The following ASCC3 variants were observed in gnomAD, a reference collection of about 807,000 sequenced individuals.
The protein encoded by ASCC3 is activating signal cointegrator 1 complex subunit 3, also known as ASC-1 complex subunit P200.
A neutral mutation model predicts 256.3 loss-of-function variants in ASCC3; 158 were observed. The observed-to-expected ratio is 0.62, with a 90% confidence interval of 0.54 to 0.70. The LOEUF is 0.70. Among genes scored for constraint, ASCC3 ranks in the 30% least tolerant of loss-of-function variants. ASCC3 has a pLI of 0.00. For missense variants in ASCC3, 2,259 were observed against 2,626.0 expected, an observed-to-expected ratio of 0.86 and a Z score of 3.05; for synonymous variants, 948 against 883.4, an observed-to-expected ratio of 1.07 and a Z score of -1.30.
chr6:100,862,389 G>T (rs2114541367), intron 3 of ASCC3, among the ~76,000 whole-genome samples: 1 of 152,076 alleles, frequency 6.6e-6, no homozygotes, highest in East Asian at 1.9e-4. Flanking sequence ...ATATCATACT[G>T]GGTTACAGAC....
rs552849567 is a variant in ASCC3 at position 100,715,710 on chromosome 6, G to A, written c.2080-177C>T. Among the ~76,000 whole-genome samples, 6 of 151,358 alleles carry A rather than the reference G, an allele frequency of 4.0e-5. No homozygotes were observed. In the East Asian group the frequency reaches 5.8e-4, roughly 15 times the overall value. On this transcript the variant is annotated intron_variant, in intron 12 of 41. Coordinates refer to ENST00000369162, the MANE Select transcript of ASCC3 (RefSeq NM_006828.4). Reference sequence around the variant, plus strand: ...AACAATCCATTAAAAAATATGCAACGCAACTTAAAAGTACAAATAGAGTAA... The same window carrying A: ...AACAATCCATTAAAAAATATGCAACACAACTTAAAAGTACAAATAGAGTAA...
chr6:100,587,973 G>T (rs930860688), intron 36 of ASCC3, among the ~76,000 whole-genome samples: 2 of 152,074 alleles, frequency 1.3e-5, no homozygotes, highest in Non-Finnish European at 2.9e-5. Flanking sequence ...TTTACAGCAT[G>T]TATCTAGTTT....
intron 11 of ASCC3, among the ~76,000 whole-genome samples, chr6:100,722,390 G>A (rs1222817013): frequency 2.0e-5 from 3 of 151,262 alleles, no homozygotes; most frequent in Non-Finnish European, 4.4e-5. Flanking sequence ...CCAAACTTCA[G>A]CATCATGCAA....
chr6:100,648,865 A>G (rs1330686731), intron 20 of ASCC3, among the ~76,000 whole-genome samples: 3 of 151,920 alleles, frequency 2.0e-5, no homozygotes, highest in Admixed American at 6.6e-5. Context: ...TTAATCTAGA[A>G]TGATATAAAT....
At chr6:100,516,658 G>A (rs189775862) in intron 38 of ASCC3, among the ~76,000 whole-genome samples, 46 of 152,210 alleles carry the variant, frequency 3.0e-4, no homozygotes, top group Non-Finnish European at 5.4e-4. Context: ...CCTGACATGT[G>A]CTTAATGAGT....
intron 37 of ASCC3, among the ~76,000 whole-genome samples, chr6:100,521,066 T>A (rs1248983176): frequency 6.6e-6 from 1 of 152,154 alleles, no homozygotes; most frequent in Non-Finnish European, 1.5e-5. Flanking sequence ...TAGGTAAAAA[T>A]CTAATTACAG....
chr6:100,724,160 C>A (rs200887954), intron 11 of ASCC3, among the ~76,000 whole-genome samples: 8,503 of 120,536 alleles, frequency 0.071, 314 homozygotes, highest in East Asian at 0.17. Flanking sequence ...AAAAAAAAAA[C>A]AAAAAAAAAC....
chr6:100,526,924 A>T (rs1326521249), intron 37 of ASCC3, among the ~76,000 whole-genome samples: 2 of 152,322 alleles, frequency 1.3e-5, no homozygotes, highest in East Asian at 3.9e-4. Context: ...TAAGTAAACT[A>T]CATTTGTTTG....
intron 10 of ASCC3, among the ~76,000 whole-genome samples, chr6:100,748,601 G>C (rs1780792856): frequency 6.6e-6 from 1 of 151,970 alleles, no homozygotes; most frequent in African/African-American, 2.4e-5. Flanking sequence ...CTCAGACACA[G>C]TTGAATCACC....
rs753220760 is a variant in ASCC3 at position 100,518,160 on chromosome 6, A to T, written c.5776-18T>A. The stretch of plus-strand genomic sequence containing the variant: ...AGCATTGCCTGAACAGGGAAAATGC[A>T]CATGTTACAAGAATTATATCATGGT... On this transcript the variant is annotated intron_variant, in intron 37 of 41. Coordinates refer to ENST00000369162, the MANE Select transcript of ASCC3 (RefSeq NM_006828.4). The T allele has an allele frequency of 6.4e-5, 103 of 1,613,026 alleles. No homozygotes were observed. Among genetic ancestry groups the T allele is most frequent in the Middle Eastern group, 1.6e-4 (1 of 6,074 alleles).
At chr6:100,696,347 A>G (rs1423484139) in intron 13 of ASCC3, among the ~76,000 whole-genome samples, 1 of 152,150 alleles carries the variant, frequency 6.6e-6, no homozygotes. Flanking sequence ...TCACATTGAG[A>G]AAATACATGG....
At chr6:100,526,708 C>A (rs1774594493) in intron 37 of ASCC3, among the ~76,000 whole-genome samples, 1 of 152,116 alleles carries the variant, frequency 6.6e-6, no homozygotes, top group Non-Finnish European at 1.5e-5. Context: ...GGATTCTGCA[C>A]CACTGTGTGG....
intron 36 of ASCC3, among the ~76,000 whole-genome samples, chr6:100,548,771 A>C (rs1305167787): frequency 6.6e-6 from 1 of 151,886 alleles, no homozygotes; most frequent in Non-Finnish European, 1.5e-5. Flanking sequence ...TGAAAAGAGA[A>C]GTGAGGAGTG....
intron 4 of ASCC3, among the ~76,000 whole-genome samples, chr6:100,838,905 C>A (rs1772007311): frequency 6.6e-6 from 1 of 151,952 alleles, no homozygotes; most frequent in African/African-American, 2.4e-5. Context: ...TGTATTAAAT[C>A]TTAAATATTT....
intron 8 of ASCC3, among the ~76,000 whole-genome samples, chr6:100,777,291 TG>T (rs1478984377): frequency 2.0e-5 from 3 of 152,152 alleles, no homozygotes; most frequent in Non-Finnish European, 4.4e-5. Flanking sequence ...TAGATGACTT[TG>T]GGCTTTCCTA....
chr6:100,688,411 T>A (rs760412334), intron 13 of ASCC3, among the ~76,000 whole-genome samples: 5 of 152,192 alleles, frequency 3.3e-5, no homozygotes, highest in Non-Finnish European at 2.9e-5. Context: ...ATTTAAACAT[T>A]TTAAAATATA....
intron 36 of ASCC3, among the ~76,000 whole-genome samples, chr6:100,578,425 C>T (rs1351743354): frequency 6.6e-6 from 1 of 152,006 alleles, no homozygotes; most frequent in Non-Finnish European, 1.5e-5. Context: ...TCCCAGCCTA[C>T]ACATTCAAGT....
chr6:100,646,483 A>G lies in ASCC3; in HGVS notation c.3633+132T>C, dbSNP rs937476306. ...CCACCACCATGCCCGGCTAATTGCT[A>G]TAATTTTTAAAATAAATCCTCAATA... On this transcript the variant is annotated intron_variant, in intron 22 of 41. Coordinates refer to ENST00000369162, the MANE Select transcript of ASCC3 (RefSeq NM_006828.4). 4 of 998,088 alleles carry G rather than the reference A, an allele frequency of 4.0e-6. No homozygotes were observed. In the African/African-American group the frequency reaches 5.4e-5, roughly 14 times the overall value. 61.8% of individuals were successfully genotyped at this position (998,088 alleles called of 1,614,324 possible). A position where few individuals can be genotyped will look rare whatever the true frequency, so the allele number is the denominator to read the frequency against.
chr6:100,554,218 C>A (rs1769448439), intron 36 of ASCC3, among the ~76,000 whole-genome samples: 1 of 152,052 alleles, frequency 6.6e-6, no homozygotes, highest in African/African-American at 2.4e-5. Flanking sequence ...AGCATGTGAA[C>A]AAATGAATGT....
Sources: gnomAD v4.1 joint callset for allele counts (sites outside exome capture counted in the v4.1 genomes callset) on GRCh38, gnomAD v4.1.1 for gene constraint, MANE v1.5 for transcripts, NCBI Gene and HGNC (gene_info 2026-07-23, HGNC 2026-07-21) for gene names.